Variants in CMC2 observed in about 807,000 individuals in gnomAD.
CMC2 encodes the protein COX assembly mitochondrial protein 2 homolog.
CMC2 carries 5 observed loss-of-function variants against 7.5 expected under a neutral mutation model. That is an observed-to-expected ratio of 0.66 (90% CI 0.35 to 1.40). The LOEUF (loss-of-function observed/expected upper bound fraction) is 1.40. Ranked by LOEUF, CMC2 falls within the 40% of genes most tolerant of loss-of-function variation. The pLI, the probability that CMC2 is intolerant of heterozygous loss-of-function variation, is 0.04. For synonymous variants in CMC2, 37 were observed against 31.4 expected (o/e 1.18, Z -0.60); for missense variants, 115 against 92.3 (o/e 1.25, Z -1.01).
chr16:80,990,105 C>G lies in CMC2; in HGVS notation c.81+7209G>C, dbSNP rs1244092008. ...TGCTCATCCTTTTTTTCATTCCCTC[C>G]CCTTTTTTTGAGTATATGAAACATT... On this transcript the variant is annotated intron_variant, in intron 2 of 3. Transcript: ENST00000219400. Among the ~76,000 whole-genome samples, 6 of 83,950 alleles carry G rather than the reference C, an allele frequency of 7.1e-5. No homozygotes were observed. The South Asian group carries it at 2.9e-3, about 40-fold the overall frequency. The allele number at this position is 83,950 out of a possible 152,430, so 55.1% of individuals were successfully genotyped here.
intron 2 of CMC2, among the ~76,000 whole-genome samples, chr16:80,990,861 A>C (rs1005745459): frequency 6.6e-6 from 1 of 152,024 alleles, no homozygotes; most frequent in Non-Finnish European, 1.5e-5. Context: ...AGGAGCTGGG[A>C]CTACAGGCAT....
At position 80,999,782 on chromosome 16, in the gene CMC2, A is replaced by G. The variant is rs368238358; in HGVS notation, c.-35-2353T>C. ...ACTTTTGATCTTTGACAAAGTCAAC[A>G]AAAATAAGCAATGGCAAAAGGACTT... is the stretch of plus-strand genomic sequence containing the variant. On this transcript the variant is annotated intron_variant, in intron 1 of 3. Coordinates refer to ENST00000219400, the MANE Select transcript of CMC2 (RefSeq NM_020188.5). 3.9e-5 allele frequency among the ~76,000 whole-genome samples: 6 copies of G among 152,374 alleles called. No homozygotes were observed. The East Asian group carries it at 7.7e-4, about 20-fold the overall frequency.
At chr16:80,983,356 G>A (rs1436728182) in intron 2 of CMC2, 1 of 152,166 alleles carries the variant, frequency 6.6e-6, no homozygotes, top group Non-Finnish European at 1.5e-5. Flanking sequence ...TTCTTACAAA[G>A]AAGGAATAAA....
At chr16:81,006,580 C>T (rs1411308358) in intron 1 of CMC2, 154 bp downstream of exon 1, 2 of 440,320 alleles carry the variant, frequency 4.5e-6, no homozygotes, top group Non-Finnish European at 6.0e-6. Context: ...CCCAGCGCAG[C>T]AGCCCGGCTG....
At chr16:80,992,545 G>C (rs1458829138) in intron 2 of CMC2, among the ~76,000 whole-genome samples, 1 of 152,168 alleles carries the variant, frequency 6.6e-6, no homozygotes, top group Non-Finnish European at 1.5e-5. Context: ...CCCCCCTGCA[G>C]ATAAGTAATG....
At chr16:80,984,302 T>C (rs1322599657) in intron 2 of CMC2, among the ~76,000 whole-genome samples, 5 of 152,230 alleles carry the variant, frequency 3.3e-5, no homozygotes, top group Non-Finnish European at 5.9e-5. Flanking sequence ...TCATAAATGC[T>C]GAACTTGGTA....
intron 3 of CMC2, among the ~76,000 whole-genome samples, chr16:80,979,807 G>A (rs1966982690): frequency 6.6e-6 from 1 of 150,868 alleles, no homozygotes; most frequent in Non-Finnish European, 1.5e-5. Context: ...ACTTTCAGTA[G>A]AGCTGGGTTT....
Position 81,004,480 on chromosome 16 carries a change from G to C in CMC2, c.-36+2254C>G, listed in dbSNP as rs148486679. ...GTTTGTCAGTCTCATCTTTACAATG[G>C]CATTTAAGAAAACATCAAAAAGGTA... On this transcript the variant is annotated intron_variant, in intron 1 of 3. Transcript: ENST00000219400. Among the ~76,000 whole-genome samples, 3 of 152,182 alleles carry C rather than the reference G, an allele frequency of 2.0e-5. No individual in the cohort carries two copies. The East Asian group carries it at 5.8e-4, about 29-fold the overall frequency.
At chr16:80,976,544 T>C (rs1912377428) in intron 3 of CMC2, among the ~76,000 whole-genome samples, 1 of 152,200 alleles carries the variant, frequency 6.6e-6, no homozygotes, top group South Asian at 2.1e-4. Context: ...GTCTAACTAG[T>C]CCTCTAACTT....
chr16:80,978,945 G>T (rs922353489), intron 3 of CMC2, among the ~76,000 whole-genome samples: 1 of 152,092 alleles, frequency 6.6e-6, no homozygotes, highest in Non-Finnish European at 1.5e-5. Context: ...GCTGGGCGTG[G>T]TGGTGGGCAC....
intron 1 of CMC2, chr16:80,998,072 G>A (rs940895609): frequency 1.3e-5 from 2 of 150,864 alleles, no homozygotes; most frequent in East Asian, 1.9e-4. Flanking sequence ...TAGCAGCCAA[G>A]GTCAAAGGAA....
At chr16:80,993,742 C>T (rs376031981) in intron 2 of CMC2, among the ~76,000 whole-genome samples, 1 of 152,104 alleles carries the variant, frequency 6.6e-6, no homozygotes, top group Non-Finnish European at 1.5e-5. Context: ...TATGTAAAAA[C>T]ACGAACTGCC....
intron 2 of CMC2, 129 bp from the exon 3 acceptor site, chr16:80,982,006 A>G (rs1337832598): frequency 1.7e-6 from 1 of 573,662 alleles, no homozygotes; most frequent in Non-Finnish European, 3.1e-6. Context: ...TAATAGTTAA[A>G]TCACATGTAT....
rs1288450502 is a variant in CMC2, at chr16:80,971,606, A to G, written c.*4487T>C. The G allele has an allele frequency of 2.0e-5, 3 of 147,420 alleles. No homozygotes were observed. Among genetic ancestry groups the G allele is most frequent in the Non-Finnish European group, 4.5e-5 (3 of 67,398 alleles). The allele number at this position is 147,420 out of a possible 1,614,324, so 9.1% of individuals were successfully genotyped here. A position where few individuals can be genotyped will look rare whatever the true frequency, so the allele number is the denominator to read the frequency against. On this transcript the variant is annotated 3_prime_UTR_variant, in exon 4 of 4. Coordinates refer to ENST00000219400, the MANE Select transcript of CMC2 (RefSeq NM_020188.5). ...TATATGTATGAAATCATGCATATAT[A>G]TATATGTATGAAATCATGCATGAGA...
rs2151646258 is a variant in CMC2, at chr16:80,997,471, G to C, written c.-35-42C>G. On this transcript the variant is annotated intron_variant, in intron 1 of 3. Coordinates refer to ENST00000219400, the MANE Select transcript of CMC2 (RefSeq NM_020188.5). The stretch of plus-strand genomic sequence containing the variant: ...GTCTTGAATATGCATAAACACATTT[G>C]TTACGCCACCTAAAAGTATCTTCAT... The C allele has an allele frequency of 5.0e-6, 5 of 1,002,970 alleles. No individual in the cohort carries two copies. In the South Asian group the frequency reaches 6.5e-5, roughly 13 times the overall value. The allele number at this position is 1,002,970 out of a possible 1,614,324, so 62.1% of individuals were successfully genotyped here.
chr16:81,003,478 G>C (rs148173813), intron 1 of CMC2, among the ~76,000 whole-genome samples: 15 of 152,254 alleles, frequency 9.9e-5, no homozygotes, highest in African/African-American at 3.6e-4. Flanking sequence ...TCTTTTTATA[G>C]GTCAAAATAT....
rs189985225 is a variant in CMC2 at position 80,993,061 on chromosome 16, T to A, written c.81+4253A>T. 6.6e-5 allele frequency among the ~76,000 whole-genome samples: 10 copies of A among 152,346 alleles called. No individual in the cohort carries two copies. The East Asian group carries it at 1.7e-3, about 26-fold the overall frequency. On this transcript the variant is annotated intron_variant, in intron 2 of 3. Coordinates refer to ENST00000219400, the MANE Select transcript of CMC2 (RefSeq NM_020188.5). ...TGTTTGTATCGTTTCATTTTTGACA[T>A]TTAGATGTCTGCCCCATTAGTTGAT...
chr16:80,976,274 G>A, intron 3 of CMC2, 95 bp from the exon 4 acceptor site: 2 of 657,198 alleles, frequency 3.0e-6, no homozygotes, highest in South Asian at 2.0e-5. Context: ...AAATATAAAT[G>A]TCCTTTGAGG....
Position 80,975,005 on chromosome 16 carries a change from G to A in CMC2, c.*1088C>T, listed in dbSNP as rs1209219974. 1 of 152,242 alleles carries A rather than the reference G, an allele frequency of 6.6e-6. No homozygotes were observed. Among genetic ancestry groups the A allele is most frequent in the African/African-American group, 2.4e-5 (1 of 41,464 alleles). The allele number at this position is 152,242 out of a possible 1,614,324, so 9.4% of individuals were successfully genotyped here. Reference sequence around the variant, plus strand: ...TATACACAGAACTCCACTAGAAGGAGCTCACAGCTGAGTCTGTTCCCTGAC... The same window carrying A: ...TATACACAGAACTCCACTAGAAGGAACTCACAGCTGAGTCTGTTCCCTGAC... On this transcript the variant is annotated 3_prime_UTR_variant, in exon 4 of 4. Transcript: ENST00000219400.
Sources: gnomAD v4.1 joint callset for allele counts (sites outside exome capture counted in the v4.1 genomes callset) on GRCh38, gnomAD v4.1.1 for gene constraint, MANE v1.5 for transcripts, NCBI Gene and HGNC (gene_info 2026-07-23, HGNC 2026-07-21) for gene names.